Variants in PRKD1 observed in about 807,000 individuals in gnomAD.
PRKD1 encodes serine/threonine-protein kinase D1.
In PRKD1, 63 loss-of-function variants were observed where a neutral mutation model predicts 95.9. The ratio of observed to expected loss-of-function variants is 0.66; its 90% CI spans 0.54 to 0.81. PRKD1 has a LOEUF of 0.81. Ranked by LOEUF, PRKD1 falls within the 30% of genes least tolerant of loss-of-function variation. The pLI is 0.00. For missense variants in PRKD1, 1,048 were observed against 1,165.3 expected (o/e 0.90, Z 1.47); for synonymous variants, 425 against 423.1 (o/e 1.00, Z -0.05).
Position 29,630,879 on chromosome 14 carries a change from C to A in PRKD1, c.1535G>T (p.Ser512Ile), listed in dbSNP as rs1879958163. The A allele has an allele frequency of 6.2e-7, 1 of 1,613,962 alleles. No homozygotes were observed. The highest frequency in any genetic ancestry group is 8.5e-7 in the Non-Finnish European group (1 of 1,180,004). The change falls in exon 10 of 18, where the codon AGC (serine) becomes ATC (isoleucine). Residue 512 changes from serine (S) to isoleucine (I), a missense_variant. Around this residue, in one of 3 missense-constraint regions of PRKD1, gnomAD observed 739 missense variants for 861.9 expected, o/e 0.86. Coordinates refer to ENST00000331968, the MANE Select transcript of PRKD1 (RefSeq NM_002742.3). ...GAGAACACTGTTATTTGGTGATGGG[C>A]TGGAAGGATTGACCACATTTTCTCC... ...YVGENVVNPS[S>I]PSPNNSVLTS...
At chr14:29,738,811 GTCTC>G (rs1048376702) in intron 1 of PRKD1, among the ~76,000 whole-genome samples, 7 of 144,488 alleles carry the variant, frequency 4.8e-5, no homozygotes, top group South Asian at 4.4e-4. Flanking sequence ...CTTTCTCTCT[GTCTC>G]TCTCTCTTTC....
At chr14:29,685,205 T>C (rs1389669924) in intron 2 of PRKD1, among the ~76,000 whole-genome samples, 1 of 152,198 alleles carries the variant, frequency 6.6e-6, no homozygotes, top group Non-Finnish European at 1.5e-5. Flanking sequence ...AGGGGCACCT[T>C]ATTTGTATAC....
intron 1 of PRKD1, among the ~76,000 whole-genome samples, chr14:29,763,721 A>C (rs1035808413): frequency 1.1e-4 from 17 of 152,070 alleles, no homozygotes. Flanking sequence ...GCCACAAGAA[A>C]GGATACTGGA....
chr14:29,673,262 G>C (rs146966358), intron 2 of PRKD1, among the ~76,000 whole-genome samples: 39 of 152,330 alleles, frequency 2.6e-4, no homozygotes, highest in African/African-American at 7.7e-4. Flanking sequence ...AAGGACGAGA[G>C]AGCTAGAAAA....
intron 1 of PRKD1, among the ~76,000 whole-genome samples, chr14:29,740,410 G>A (rs61978028): frequency 0.15 from 23,153 of 152,202 alleles, 2,135 homozygotes; most frequent in South Asian, 0.24. Context: ...TCATTTTAGA[G>A]ATGAGTAAGT....
chr14:29,642,326 AATT>A (rs774403289), intron 4 of PRKD1, among the ~76,000 whole-genome samples: 7 of 152,352 alleles, frequency 4.6e-5, no homozygotes, highest in African/African-American at 1.4e-4. Context: ...ATAAAATTCC[AATT>A]ATTATGTGAA....
chr14:29,634,482 T>G lies in PRKD1; in HGVS notation c.1250A>C (p.Lys417Thr). Residue 417 changes from lysine (K) to threonine (T), a missense_variant, in exon 8 of 18, where the codon AAG (lysine) becomes ACG (threonine). Physicochemically the swap from Lys to Thr is moderately conservative, Grantham distance 78. Transcript: ENST00000331968. The part of the protein sequence containing the change: ...MRVVQSVKHT[K>T]RKSSTVMKEG... ...TTTCATGACTGTGCTGCTTTTCCTC[T>G]TCGTGTGTTTGACAGACTGCACTAC... is the stretch of plus-strand genomic sequence containing the variant. 6.2e-7 allele frequency: 1 copy of G among 1,614,130 alleles called. No individual in the cohort carries two copies. Among genetic ancestry groups the G allele is most frequent in the South Asian group, 1.1e-5 (1 of 91,080 alleles).
At chr14:29,883,478 A>G (rs1226400158) in intron 1 of PRKD1, among the ~76,000 whole-genome samples, 1 of 152,162 alleles carries the variant, frequency 6.6e-6, no homozygotes, top group Admixed American at 6.5e-5. Flanking sequence ...TTTTTAGATG[A>G]AATTTTATCT....
rs955117586 is a variant in PRKD1 at position 29,689,044 on chromosome 14, T to C, written c.404-22836A>G. The stretch of plus-strand genomic sequence containing the variant: ...AATCTATGCAATACCATTCAGGATA[T>C]AGGCACAGGCAAAGATTTTACAATG... On this transcript the variant is annotated intron_variant, in intron 2 of 17. Transcript: ENST00000331968. Among the ~76,000 whole-genome samples, 4 of 147,320 alleles carry C rather than the reference T, an allele frequency of 2.7e-5. No individual in the cohort carries two copies. The East Asian group carries it at 7.9e-4, about 29-fold the overall frequency.
At position 29,852,108 on chromosome 14, in the gene PRKD1, T is replaced by A. The variant is rs905573401; in HGVS notation, c.264+75141A>T. On this transcript the variant is annotated intron_variant, in intron 1 of 17. Transcript: ENST00000331968. ...GGGAAATGATGGAGAGAAACAAGGGTTTAAAAACTACCTAGTGGGTACTAT... is the reference window on the plus strand; with the variant it reads ...GGGAAATGATGGAGAGAAACAAGGGATTAAAAACTACCTAGTGGGTACTAT... 2.0e-5 allele frequency among the ~76,000 whole-genome samples: 3 copies of A among 151,808 alleles called. No individual in the cohort carries two copies. The East Asian group carries it at 5.8e-4, about 30-fold the overall frequency.
chr14:29,600,434 T>C (rs550581465), intron 13 of PRKD1, among the ~76,000 whole-genome samples: 27 of 152,238 alleles, frequency 1.8e-4, no homozygotes, highest in African/African-American at 6.3e-4. Context: ...ATATAGCTAA[T>C]CCTTGAGAAA....
intron 2 of PRKD1, among the ~76,000 whole-genome samples, chr14:29,700,957 TGTGTGTAC>T (rs1884796334): frequency 1.4e-5 from 2 of 140,412 alleles, no homozygotes; most frequent in African/African-American, 6.0e-5. Flanking sequence ...CCAAGGCATT[TGTGTGTAC>T]GCGTGCGCAT....
At chr14:29,735,407 A>C (rs1000648492) in intron 1 of PRKD1, among the ~76,000 whole-genome samples, 1 of 152,220 alleles carries the variant, frequency 6.6e-6, no homozygotes, top group African/African-American at 2.4e-5. Flanking sequence ...ATTAAGACAC[A>C]GATCCTCTTT....
chr14:29,862,510 G>A (rs952293268), intron 1 of PRKD1, among the ~76,000 whole-genome samples: 1 of 152,068 alleles, frequency 6.6e-6, no homozygotes, highest in Non-Finnish European at 1.5e-5. Flanking sequence ...AGTGTATGAG[G>A]GTTGCCAATT....
intron 2 of PRKD1, among the ~76,000 whole-genome samples, chr14:29,697,289 A>C (rs1884577893): frequency 6.6e-6 from 1 of 152,184 alleles, no homozygotes; most frequent in Non-Finnish European, 1.5e-5. Context: ...ATACAGTTTT[A>C]TCTTTTGAAA....
rs920698147 is a variant in PRKD1, at chr14:29,599,690, A to G, written c.2033T>C (p.Leu678Ser). 1 of 1,613,346 alleles carries G rather than the reference A, an allele frequency of 6.2e-7. No individual in the cohort carries two copies. The highest frequency in any genetic ancestry group is 1.3e-5 in the African/African-American group (1 of 75,032). ...TAAAAACTTCGTTATGTGCTCTGGCAACCTGCCCTTTTCACTTGACAAGAT... is the reference window on the plus strand; with the variant it reads ...TAAAAACTTCGTTATGTGCTCTGGCGACCTGCCCTTTTCACTTGACAAGAT... ...EMILSSEKGR[L>S]PEHITKFLIT... The change falls in exon 14 of 18, where the codon TTG becomes TCG. Residue 678 changes from leucine to serine, a missense_variant. Physicochemically the swap from Leu to Ser is moderately radical, Grantham distance 145 (BLOSUM62 -2). Coordinates refer to ENST00000331968, the MANE Select transcript of PRKD1 (RefSeq NM_002742.3).
At chr14:29,899,080 T>C (rs1486756207) in intron 1 of PRKD1, among the ~76,000 whole-genome samples, 3 of 152,184 alleles carry the variant, frequency 2.0e-5, no homozygotes, top group African/African-American at 7.2e-5. Context: ...AGATTAGCAT[T>C]TGCTATTTTG....
intron 1 of PRKD1, among the ~76,000 whole-genome samples, chr14:29,794,987 G>T (rs1213205798): frequency 6.6e-6 from 1 of 151,968 alleles, no homozygotes; most frequent in East Asian, 1.9e-4. Flanking sequence ...ACACACCCTG[G>T]TTTTAATTTA....
chr14:29,622,974 G>A (rs1879378225), intron 13 of PRKD1, among the ~76,000 whole-genome samples: 2 of 152,202 alleles, frequency 1.3e-5, no homozygotes, highest in South Asian at 4.1e-4. Flanking sequence ...ACAGTGCGTG[G>A]AGACTGGAAG....
Sources: allele counts gnomAD v4.1 joint callset (sites outside exome capture counted in the v4.1 genomes callset), GRCh38; gene constraint gnomAD v4.1.1; regional missense constraint gnomAD v4.1.1; transcripts MANE v1.5; gene names NCBI Gene and HGNC (gene_info 2026-07-23, HGNC 2026-07-21).